The following PTPRK variants were observed in gnomAD, a reference collection of about 807,000 sequenced individuals.
PTPRK encodes receptor-type tyrosine-protein phosphatase kappa.
A neutral mutation model predicts 178.0 loss-of-function variants in PTPRK; 75 were observed. The ratio of observed to expected loss-of-function variants is 0.42; its 90% CI spans 0.35 to 0.51. The LOEUF (loss-of-function observed/expected upper bound fraction) is 0.51. Ranked by LOEUF, PTPRK falls within the 20% of genes least tolerant of loss-of-function variation. PTPRK has a pLI of 0.02. For synonymous variants in PTPRK, 637 were observed against 620.6 expected (o/e 1.03, Z -0.39); for missense variants, 1,441 against 1,797.8 (o/e 0.80, Z 3.59).
chr6:128,466,853 A>G (rs1013958510), intron 1 of PTPRK, among the ~76,000 whole-genome samples: 2 of 152,222 alleles, frequency 1.3e-5, no homozygotes, highest in Admixed American at 6.5e-5. Context: ...TAATATACAA[A>G]TGAATAAACC....
intron 10 of PTPRK, among the ~76,000 whole-genome samples, chr6:128,079,654 C>T (rs906069155): frequency 2.0e-5 from 3 of 151,988 alleles, no homozygotes. Flanking sequence ...TGTGCATTAT[C>T]TCTATCCATT....
intron 3 of PTPRK, among the ~76,000 whole-genome samples, chr6:128,243,898 C>T (rs1814969645): frequency 6.6e-6 from 1 of 151,880 alleles, no homozygotes; most frequent in Admixed American, 6.6e-5. Context: ...CTAATAGAAA[C>T]ATATTTGGCT....
rs569188658 is a variant in PTPRK at position 128,277,412 on chromosome 6, A to G, written c.496-34810T>C. On this transcript the variant is annotated intron_variant, in intron 3 of 29. Transcript: ENST00000368226. ...AGAAAATGATTGTCTTTTGTCCTTT[A>G]TTAGGGAACAGGCATGCAAGAGCTC... is the stretch of plus-strand genomic sequence containing the variant. 2.1e-3 allele frequency among the ~76,000 whole-genome samples: 319 copies of G among 152,298 alleles called. 1 individual carries two copies. The highest frequency in any genetic ancestry group is 7.4e-3 in the African/African-American group (307 of 41,566).
At position 128,184,624 on chromosome 6, in the gene PTPRK, T is replaced by C. The variant is rs1802460154; in HGVS notation, c.970A>G (p.Ile324Val). 4 of 1,614,078 alleles carry C rather than the reference T, an allele frequency of 2.5e-6. No homozygotes were observed. The highest frequency in any genetic ancestry group is 3.4e-6 in the Non-Finnish European group (4 of 1,179,960). Residue 324 changes from isoleucine to valine, a missense_variant, in exon 7 of 30, where the codon ATC (isoleucine) becomes GTC (valine). Ile to Val is a conservative substitution (Grantham distance 29, BLOSUM62 3). Around this residue, in one of 4 missense-constraint regions of PTPRK, gnomAD observed 945 missense variants for 1,080.6 expected, o/e 0.87. Transcript: ENST00000368226. ...ATTCGGTACTCTACTTCTTTCAGGA[T>C]GATAGGACCATCGCCAATGATCGAG... ...ANSIIGDGPI[I>V]LKEVEYRMTS...
intron 13 of PTPRK, among the ~76,000 whole-genome samples, chr6:128,036,711 C>T (rs563902132): frequency 6.0e-5 from 9 of 150,354 alleles, no homozygotes; most frequent in Admixed American, 2.0e-4. Context: ...TGAAAATAAA[C>T]GAACTGATTT....
chr6:128,269,869 T>C (rs1819528425), intron 3 of PTPRK, among the ~76,000 whole-genome samples: 1 of 152,124 alleles, frequency 6.6e-6, no homozygotes, highest in Non-Finnish European at 1.5e-5. Context: ...CACTGATTAG[T>C]CTGTAAAAGG....
At chr6:128,494,131 A>G (rs1255130756) in intron 1 of PTPRK, among the ~76,000 whole-genome samples, 1 of 151,452 alleles carries the variant, frequency 6.6e-6, no homozygotes, top group Non-Finnish European at 1.5e-5. Context: ...TGAGGCTGCA[A>G]TGAGCCATGA....
intron 2 of PTPRK, among the ~76,000 whole-genome samples, chr6:128,396,777 A>G (rs1223239810): frequency 1.3e-5 from 2 of 152,178 alleles, no homozygotes; most frequent in African/African-American, 4.8e-5. Context: ...AGGCGGGCGG[A>G]TCACGAGGTC....
chr6:128,012,796 A>G (rs1583641280), intron 13 of PTPRK, among the ~76,000 whole-genome samples: 1 of 151,464 alleles, frequency 6.6e-6, no homozygotes, highest in East Asian at 1.9e-4. Context: ...TAATTCTTCT[A>G]CTTTCATAAT....
chr6:128,210,005 GT>G (rs775210832), intron 6 of PTPRK, among the ~76,000 whole-genome samples: 4 of 152,094 alleles, frequency 2.6e-5, no homozygotes, highest in Admixed American at 6.6e-5. Context: ...CTGACTTACT[GT>G]GTCATACAGT....
At chr6:128,107,145 A>T (rs1353717227) in intron 7 of PTPRK, among the ~76,000 whole-genome samples, 1 of 152,058 alleles carries the variant, frequency 6.6e-6, no homozygotes, top group Non-Finnish European at 1.5e-5. Context: ...ATACTTCAAC[A>T]ACTGATGCTA....
intron 14 of PTPRK, among the ~76,000 whole-genome samples, 168 bp downstream of exon 14, chr6:128,008,959 TAAG>T (rs1778746340): frequency 6.6e-6 from 1 of 151,156 alleles, no homozygotes; most frequent in South Asian, 2.1e-4. Context: ...AATAACCAAA[TAAG>T]AATTTATTAG....
At chr6:128,143,618 C>T (rs1354560899) in intron 7 of PTPRK, among the ~76,000 whole-genome samples, 1 of 152,148 alleles carries the variant, frequency 6.6e-6, no homozygotes, top group East Asian at 1.9e-4. Flanking sequence ...TACCTTTCAG[C>T]TCATGGGCTC....
intron 1 of PTPRK, among the ~76,000 whole-genome samples, chr6:128,437,104 T>C (rs1279411212): frequency 6.6e-6 from 1 of 152,038 alleles, no homozygotes; most frequent in Non-Finnish European, 1.5e-5. Flanking sequence ...TTCCCTGGGG[T>C]TCAGCACTCT....
intron 1 of PTPRK, among the ~76,000 whole-genome samples, chr6:128,496,434 C>A (rs1854670841): frequency 6.6e-6 from 1 of 152,094 alleles, no homozygotes; most frequent in Admixed American, 6.6e-5. Context: ...TACTTTGTAA[C>A]CCTATGGTTC....
chr6:128,071,952 C>T (rs567023499), intron 11 of PTPRK, among the ~76,000 whole-genome samples: 29 of 151,924 alleles, frequency 1.9e-4, no homozygotes, highest in African/African-American at 5.8e-4. Context: ...AATAAGAAAT[C>T]GCATTAGAAG....
intron 13 of PTPRK, among the ~76,000 whole-genome samples, chr6:128,020,348 C>T (rs1773312398): frequency 6.6e-6 from 1 of 152,194 alleles, no homozygotes; most frequent in South Asian, 2.1e-4. Flanking sequence ...AAGTAAGCTA[C>T]AGAACAACTA....
In PTPRK at chr6:128,283,451, T is replaced by A. The variant is rs191339968; in HGVS notation, c.495+38588A>T. ...AATGTAAGGTAATTCTTCCTTCTCA[T>A]ATCTCAGAAGTAATAATGCTGGGGG... is the stretch of plus-strand genomic sequence containing the variant. On this transcript the variant is annotated intron_variant, in intron 3 of 29. Coordinates refer to ENST00000368226, the MANE Select transcript of PTPRK (RefSeq NM_002844.4). Among the ~76,000 whole-genome samples, 109 of 152,314 alleles carry A rather than the reference T, an allele frequency of 7.2e-4. 1 individual carries two copies. The highest frequency in any genetic ancestry group is 5.6e-4 in the Non-Finnish European group (38 of 68,030).
intron 13 of PTPRK, among the ~76,000 whole-genome samples, chr6:128,046,444 T>C (rs9482868): frequency 0.78 from 118,723 of 151,922 alleles, 47,460 homozygotes; most frequent in South Asian, 0.95. Context: ...GCTAATTCCA[T>C]CCTAGGGACC....
Sources: gnomAD v4.1 joint callset for allele counts (sites outside exome capture counted in the v4.1 genomes callset) on GRCh38, gnomAD v4.1.1 for gene constraint, gnomAD v4.1.1 regional missense constraint, MANE v1.5 for transcripts, NCBI Gene and HGNC (gene_info 2026-07-23, HGNC 2026-07-21) for gene names.